MAST4: variants seen among roughly 807,000 people sequenced by gnomAD.
MAST4 encodes the protein microtubule-associated serine/threonine-protein kinase 4.
MAST4 carries 89 observed loss-of-function variants against 162.7 expected under a neutral mutation model. That is an observed-to-expected ratio of 0.55 (90% CI 0.46 to 0.65). The LOEUF (loss-of-function observed/expected upper bound fraction) is 0.65, where lower values mean the gene tolerates loss of function less well. MAST4 is among the 30% of genes least tolerant of loss of function. MAST4 has a pLI of 0.00. For missense variants in MAST4, 3,153 were observed against 3,374.0 expected, an observed-to-expected ratio of 0.93 and a Z score of 1.62; for synonymous variants, 1,479 against 1,361.1, an observed-to-expected ratio of 1.09 and a Z score of -1.91.
At chr5:66,817,636 A>T (rs1028119881) in intron 3 of MAST4, among the ~76,000 whole-genome samples, 3 of 152,234 alleles carry the variant, frequency 2.0e-5, no homozygotes, top group Non-Finnish European at 4.4e-5. Context: ...TTAATATACC[A>T]AAATATTCAT....
At chr5:66,937,911 C>T (rs1742937965) in intron 4 of MAST4, among the ~76,000 whole-genome samples, 2 of 151,808 alleles carry the variant, frequency 1.3e-5, no homozygotes, top group Non-Finnish European at 2.9e-5. Context: ...TGATTATACC[C>T]TTTATTTTAG....
At chr5:67,100,303 C>A in intron 7 of MAST4, 132 bp from the exon 8 acceptor site, 1 of 858,878 alleles carries the variant, frequency 1.2e-6, no homozygotes, top group Non-Finnish European at 1.8e-6. Flanking sequence ...GGCAGTCGTT[C>A]TTATAACTTT....
At chr5:66,980,360 A>G (rs995833426) in intron 4 of MAST4, among the ~76,000 whole-genome samples, 2 of 152,010 alleles carry the variant, frequency 1.3e-5, no homozygotes, top group African/African-American at 2.4e-5. Context: ...AATTAGTTAA[A>G]AAGGATAAGC....
At chr5:66,880,591 G>GTTTGAGGACATTCACCATCCTC (rs1402082405) in intron 3 of MAST4, among the ~76,000 whole-genome samples, 13 of 152,224 alleles carry the variant, frequency 8.5e-5, no homozygotes, top group African/African-American at 3.1e-4. Context: ...AACAATGGAC[G>GTTTGAGGACATTCACCATCCTC]TTTGAGGACA....
chr5:66,652,317 C>A (rs576489693), intron 1 of MAST4, among the ~76,000 whole-genome samples: 1 of 152,116 alleles, frequency 6.6e-6, no homozygotes, highest in African/African-American at 2.4e-5. Flanking sequence ...AGGAGATGTT[C>A]ATTGTAATCA....
chr5:66,609,346 T>C (rs10471689), intron 1 of MAST4, among the ~76,000 whole-genome samples: 90,547 of 150,980 alleles, frequency 0.6, 27,572 homozygotes, highest in East Asian at 0.71. Flanking sequence ...TCTATTTGCA[T>C]AGTTAAATTG....
At chr5:66,971,993 A>C (rs995526787) in intron 4 of MAST4, among the ~76,000 whole-genome samples, 7 of 148,126 alleles carry the variant, frequency 4.7e-5, no homozygotes, top group Non-Finnish European at 1.0e-4. Context: ...GAGTAATACA[A>C]ATGCGAAAAC....
chr5:66,959,733 A>T (rs927058658), intron 4 of MAST4, among the ~76,000 whole-genome samples: 2 of 152,220 alleles, frequency 1.3e-5, no homozygotes, highest in Admixed American at 6.5e-5. Context: ...CGTTCATTAG[A>T]TGTGATCCAT....
chr5:66,808,345 C>T (rs959503535), intron 3 of MAST4, among the ~76,000 whole-genome samples: 1 of 152,186 alleles, frequency 6.6e-6, no homozygotes, highest in Non-Finnish European at 1.5e-5. Context: ...CTGGGCAGCC[C>T]CTCTGGCTTG....
chr5:66,776,193 T>C (rs1192132801), intron 2 of MAST4, among the ~76,000 whole-genome samples: 1 of 152,214 alleles, frequency 6.6e-6, no homozygotes, highest in Non-Finnish European at 1.5e-5. Flanking sequence ...CTTTTGTTCT[T>C]TTTGTTTCTC....
chr5:66,785,779 T>C (rs1238520795), intron 2 of MAST4, among the ~76,000 whole-genome samples: 3 of 152,206 alleles, frequency 2.0e-5, no homozygotes, highest in Non-Finnish European at 4.4e-5. Flanking sequence ...CTATAACAGG[T>C]ACTGGGGATA....
At chr5:66,774,351 A>G (rs180736421) in intron 2 of MAST4, among the ~76,000 whole-genome samples, 5 of 152,340 alleles carry the variant, frequency 3.3e-5, no homozygotes, top group African/African-American at 7.2e-5. Flanking sequence ...AGTGGCGTAT[A>G]CGTAAATAAC....
chr5:66,637,387 A>G lies in MAST4; in HGVS notation c.363+40369A>G, dbSNP rs74881026. Among the ~76,000 whole-genome samples the G allele has an allele frequency of 9.3e-3, 1,419 of 152,166 alleles. 16 individuals carry two copies. Among genetic ancestry groups the G allele is most frequent in the African/African-American group, 0.033 (1,356 of 41,502 alleles). On this transcript the variant is annotated intron_variant, in intron 1 of 28. Coordinates refer to ENST00000403625, the MANE Select transcript of MAST4 (RefSeq NM_001164664.2). ...TAGATACGTTTTTAAAATGTTGGAT[A>G]TGTATTGTCACATCATCCTTTAAAA...
chr5:66,810,557 T>C (rs1332669487), intron 3 of MAST4, among the ~76,000 whole-genome samples: 1 of 152,196 alleles, frequency 6.6e-6, no homozygotes, highest in South Asian at 2.1e-4. Context: ...GGGAAATTTA[T>C]TCTAGCTGTG....
intron 4 of MAST4, among the ~76,000 whole-genome samples, chr5:66,953,365 A>C (rs979932100): frequency 1.3e-5 from 2 of 152,200 alleles, no homozygotes; most frequent in Non-Finnish European, 2.9e-5. Context: ...TGCCTCAGAC[A>C]CATACAACTG....
chr5:67,010,403 C>A (rs924843180), intron 4 of MAST4, among the ~76,000 whole-genome samples: 2 of 152,036 alleles, frequency 1.3e-5, no homozygotes, highest in Non-Finnish European at 2.9e-5. Flanking sequence ...AGGGAGCCCT[C>A]AAGGATGAGA....
At position 66,842,555 on chromosome 5, in the gene MAST4, C is replaced by T. The variant is rs375403170; in HGVS notation, c.642+53761C>T. ...GGTAGCTCCTGGTATTGTATGCTTC[C>T]TATCCAGAATTTGTTCCATAGAAAA... On this transcript the variant is annotated intron_variant, in intron 3 of 28. Transcript: ENST00000403625. 2.6e-5 allele frequency among the ~76,000 whole-genome samples: 4 copies of T among 152,062 alleles called. 1 individual carries two copies. The East Asian group carries it at 7.7e-4, about 29-fold the overall frequency.
At chr5:67,071,749 G>T (rs546275912) in intron 5 of MAST4, among the ~76,000 whole-genome samples, 1 of 152,092 alleles carries the variant, frequency 6.6e-6, no homozygotes, top group African/African-American at 2.4e-5. Flanking sequence ...GACAGAGCGA[G>T]ACTTCATCTC....
At chr5:67,035,097 T>G (rs1019732862) in intron 4 of MAST4, among the ~76,000 whole-genome samples, 4 of 152,170 alleles carry the variant, frequency 2.6e-5, no homozygotes, top group Admixed American at 6.5e-5. Flanking sequence ...AAAGGAGTCC[T>G]TTTTCTTTTG....
Sources: allele counts gnomAD v4.1 joint callset (sites outside exome capture counted in the v4.1 genomes callset), GRCh38; gene constraint gnomAD v4.1.1; transcripts MANE v1.5; gene names NCBI Gene and HGNC (gene_info 2026-07-23, HGNC 2026-07-21).